Variants in PLXDC2 observed in about 807,000 individuals in gnomAD.
The protein encoded by PLXDC2 is plexin domain-containing protein 2.
Under a neutral mutation model 68.9 loss-of-function variants are expected in PLXDC2, and 40 were observed. That is an observed-to-expected ratio of 0.58 (90% CI 0.45 to 0.76). The LOEUF (loss-of-function observed/expected upper bound fraction) is 0.76. Ranked by LOEUF, PLXDC2 falls within the 30% of genes least tolerant of loss-of-function variation. PLXDC2 has a pLI of 0.00. For missense variants in PLXDC2, 644 were observed against 661.9 expected (o/e 0.97, Z 0.30); for synonymous variants, 243 against 234.2 (o/e 1.04, Z -0.34).
At chr10:20,125,082 A>G (rs1295640046) in intron 4 of PLXDC2, among the ~76,000 whole-genome samples, 2 of 152,138 alleles carry the variant, frequency 1.3e-5, no homozygotes, top group Admixed American at 6.5e-5. Flanking sequence ...CAGAAATCCA[A>G]AACATTTAAC....
chr10:19,929,030 CA>C (rs1833585254), intron 1 of PLXDC2, among the ~76,000 whole-genome samples: 1 of 150,648 alleles, frequency 6.6e-6, no homozygotes, highest in African/African-American at 2.4e-5. Context: ...GCTGAGATTA[CA>C]GATGTGAGCC....
chr10:19,831,010 G>GT (rs1836680625), intron 1 of PLXDC2, among the ~76,000 whole-genome samples: 1 of 149,658 alleles, frequency 6.7e-6, no homozygotes, highest in African/African-American at 2.5e-5. Context: ...TTTTTTGTTT[G>GT]TTTTTTTGCT....
chr10:20,278,470 C>G (rs1345995388), intron 13 of PLXDC2, among the ~76,000 whole-genome samples: 1 of 152,152 alleles, frequency 6.6e-6, no homozygotes, highest in East Asian at 1.9e-4. Context: ...GTGGCCCTCT[C>G]TTTAGTTTTA....
intron 12 of PLXDC2, among the ~76,000 whole-genome samples, chr10:20,240,712 A>C (rs1463266768): frequency 1.1e-4 from 1 of 8,774 alleles, no homozygotes; most frequent in Non-Finnish European, 4.3e-4. Context: ...TGCAGTAGCC[A>C]AAAAAAAAAA....
intron 2 of PLXDC2, among the ~76,000 whole-genome samples, chr10:20,029,601 A>G (rs1373454164): frequency 6.6e-6 from 1 of 152,160 alleles, no homozygotes; most frequent in Admixed American, 6.6e-5. Context: ...ATAAATAAAT[A>G]AAAAAAGAAC....
intron 1 of PLXDC2, among the ~76,000 whole-genome samples, chr10:19,933,914 A>G (rs1833682591): frequency 6.6e-6 from 1 of 151,868 alleles, no homozygotes; most frequent in Admixed American, 6.6e-5. Context: ...AAGGAAAGAG[A>G]AAGGAAGGAA....
At chr10:19,898,977 G>A (rs1838112418) in intron 1 of PLXDC2, among the ~76,000 whole-genome samples, 1 of 152,038 alleles carries the variant, frequency 6.6e-6, no homozygotes, top group South Asian at 2.1e-4. Context: ...CTTTGTCTAT[G>A]CTAGAATACA....
chr10:20,104,525 AAT>A (rs1349713737), intron 4 of PLXDC2, among the ~76,000 whole-genome samples: 3 of 152,222 alleles, frequency 2.0e-5, no homozygotes, highest in African/African-American at 7.2e-5. Context: ...TCACTGTTTG[AAT>A]ATGTTGTTTT....
intron 4 of PLXDC2, among the ~76,000 whole-genome samples, chr10:20,111,226 G>A (rs1833556475): frequency 6.6e-6 from 1 of 152,246 alleles, no homozygotes; most frequent in Middle Eastern, 3.4e-3. Flanking sequence ...CTTCTAAAGT[G>A]CCTTAACATG....
intron 1 of PLXDC2, among the ~76,000 whole-genome samples, chr10:19,949,137 A>C (rs1208959215): frequency 3.3e-5 from 5 of 151,460 alleles, no homozygotes; most frequent in Non-Finnish European, 7.4e-5. Context: ...AAAAAAAAAA[A>C]AAAAAAAAAA....
intron 1 of PLXDC2, among the ~76,000 whole-genome samples, chr10:19,963,235 T>A (rs1404836981): frequency 2.0e-5 from 3 of 152,074 alleles, no homozygotes; most frequent in African/African-American, 7.2e-5. Context: ...CCTACTAGAG[T>A]ATGAACACTT....
chr10:20,261,866 A>G (rs1044833097), intron 13 of PLXDC2, among the ~76,000 whole-genome samples: 3 of 152,166 alleles, frequency 2.0e-5, no homozygotes, highest in African/African-American at 7.2e-5. Flanking sequence ...AATAATAATA[A>G]TAATAATAGA....
chr10:20,221,694 TTTAA>T (rs1716119426), intron 12 of PLXDC2, among the ~76,000 whole-genome samples: 1 of 152,228 alleles, frequency 6.6e-6, no homozygotes, highest in African/African-American at 2.4e-5. Flanking sequence ...AACTTCATTA[TTTAA>T]TTAAGCATAT....
At chr10:19,946,119 T>G (rs1259079509) in intron 1 of PLXDC2, among the ~76,000 whole-genome samples, 1 of 152,138 alleles carries the variant, frequency 6.6e-6, no homozygotes, top group Non-Finnish European at 1.5e-5. Flanking sequence ...TAACAGAGAA[T>G]TTTCTCAAAG....
intron 4 of PLXDC2, among the ~76,000 whole-genome samples, chr10:20,099,640 T>C (rs1299720271): frequency 6.6e-6 from 1 of 152,072 alleles, no homozygotes; most frequent in African/African-American, 2.4e-5. Flanking sequence ...AAGTGCTAAA[T>C]TGTGTGAGTG....
chr10:20,179,833 A>G (rs979809756), intron 9 of PLXDC2, among the ~76,000 whole-genome samples: 2 of 152,004 alleles, frequency 1.3e-5, no homozygotes, highest in Non-Finnish European at 2.9e-5. Flanking sequence ...AGGAAACTGA[A>G]ATTTTTAGGA....
chr10:19,984,360 A>G (rs1042340995), intron 1 of PLXDC2, among the ~76,000 whole-genome samples: 11 of 152,214 alleles, frequency 7.2e-5, no homozygotes, highest in African/African-American at 2.4e-4. Flanking sequence ...ACCCAGGCTC[A>G]GGTGTCAGCC....
intron 4 of PLXDC2, among the ~76,000 whole-genome samples, chr10:20,077,049 CT>C (rs1269692095): frequency 6.6e-6 from 1 of 152,076 alleles, no homozygotes; most frequent in South Asian, 2.1e-4. Context: ...TCATTCTATC[CT>C]TTTTATAGCA....
intron 1 of PLXDC2, among the ~76,000 whole-genome samples, chr10:19,953,884 T>G (rs1401794622): frequency 1.3e-5 from 2 of 152,202 alleles, no homozygotes; most frequent in Admixed American, 6.5e-5. Flanking sequence ...ATGATGTTCT[T>G]CCAAGCCTTG....
Sources: allele counts gnomAD v4.1 joint callset (sites outside exome capture counted in the v4.1 genomes callset), GRCh38; gene constraint gnomAD v4.1.1; transcripts MANE v1.5; gene names NCBI Gene and HGNC (gene_info 2026-07-23, HGNC 2026-07-21).